PPP2R2B: variants seen among roughly 807,000 people sequenced by gnomAD.
PPP2R2B encodes the protein protein phosphatase 2 regulatory subunit Bbeta, also known as serine/threonine-protein phosphatase 2A 55 kDa regulatory subunit B beta isoform.
PPP2R2B carries 5 observed loss-of-function variants against 46.0 expected under a neutral mutation model. The ratio of observed to expected loss-of-function variants is 0.11; its 90% confidence interval spans 0.06 to 0.23. The LOEUF (loss-of-function observed/expected upper bound fraction) is 0.23, where lower values mean the gene tolerates loss of function less well. PPP2R2B is among the 10% of genes least tolerant of loss of function. The pLI is 1.00. For missense variants in PPP2R2B, 367 were observed against 575.0 expected (o/e 0.64, Z 3.70); for synonymous variants, 215 against 206.7 (o/e 1.04, Z -0.34).
chr5:146,711,233 C>CTT lies in PPP2R2B; in HGVS notation c.71-10093_71-10092dup, dbSNP rs113531608. On this transcript the variant is annotated intron_variant, in intron 2 of 9. Coordinates refer to ENST00000394411, the MANE Select transcript of PPP2R2B (RefSeq NM_181675.4). ...TAGTATATAACAGATGCTTCTCAAT[C>CTT]TTTTTTTTTCTATGCTCACAAGTCA... 7.3e-4 allele frequency among the ~76,000 whole-genome samples: 111 copies of CTT among 151,750 alleles called. 1 individual carries two copies. Among genetic ancestry groups the CTT allele is most frequent in the Middle Eastern group, 6.8e-3 (2 of 294 alleles).
intron 1 of PPP2R2B, among the ~76,000 whole-genome samples, chr5:147,054,964 C>G (rs921740466): frequency 6.6e-6 from 1 of 152,100 alleles, no homozygotes; most frequent in African/African-American, 2.4e-5. Flanking sequence ...AAGGGAATTG[C>G]CAGAATGTTT....
chr5:146,719,803 T>TTTTTTTTTTTTTTTTTTTTTTTTGAG (rs1418579202), intron 2 of PPP2R2B, among the ~76,000 whole-genome samples: 31 of 152,120 alleles, frequency 2.0e-4, no homozygotes, highest in African/African-American at 7.0e-4. Context: ...AATGAGTTTC[T>TTTTTTTTTTTTTTTTTTTTTTTTGAG]ATCATCTAAA....
At chr5:146,692,717 G>C (rs532148837) in intron 4 of PPP2R2B, among the ~76,000 whole-genome samples, 1 of 151,538 alleles carries the variant, frequency 6.6e-6, no homozygotes, top group Admixed American at 6.6e-5. Context: ...TGTATTTCTA[G>C]TAGAGACGGG....
intron 1 of PPP2R2B, among the ~76,000 whole-genome samples, chr5:146,986,482 A>G (rs574661284): frequency 6.6e-6 from 1 of 152,346 alleles, no homozygotes; most frequent in South Asian, 2.1e-4. Context: ...AATTCAAAAT[A>G]GCTATTTTGA....
chr5:147,062,525 GAA>G, intron 2 of PPP2R2B, among the ~76,000 whole-genome samples: 1 of 152,080 alleles, frequency 6.6e-6, no homozygotes. Flanking sequence ...TATAGATGAG[GAA>G]GTTTACACAG....
chr5:146,850,042 G>A (rs975725103), intron 2 of PPP2R2B, among the ~76,000 whole-genome samples: 1 of 152,134 alleles, frequency 6.6e-6, no homozygotes, highest in South Asian at 2.1e-4. Context: ...TGATGCATCA[G>A]CTGGAAGTAT....
At chr5:146,650,389 T>C (rs1053611708) in intron 6 of PPP2R2B, among the ~76,000 whole-genome samples, 158 bp downstream of exon 6, 2 of 152,226 alleles carry the variant, frequency 1.3e-5, no homozygotes, top group African/African-American at 4.8e-5. Flanking sequence ...TTTATTGTTA[T>C]GATTAAAGAG....
At chr5:146,813,682 T>C (rs1200443749) in intron 2 of PPP2R2B, among the ~76,000 whole-genome samples, 1 of 152,220 alleles carries the variant, frequency 6.6e-6, no homozygotes, top group African/African-American at 2.4e-5. Context: ...TTTCCACTGC[T>C]CTGCTCCGCT....
At chr5:146,958,861 T>C (rs1177713261) in intron 1 of PPP2R2B, among the ~76,000 whole-genome samples, 1 of 152,184 alleles carries the variant, frequency 6.6e-6, no homozygotes, top group Non-Finnish European at 1.5e-5. Flanking sequence ...CACAACAAAC[T>C]TATGCAATAG....
intron 1 of PPP2R2B, among the ~76,000 whole-genome samples, chr5:147,033,390 G>A (rs1314071200): frequency 6.6e-6 from 1 of 152,126 alleles, no homozygotes; most frequent in South Asian, 2.1e-4. Flanking sequence ...TCTCCCATTA[G>A]AACATAAGTT....
intron 2 of PPP2R2B, among the ~76,000 whole-genome samples, chr5:146,720,398 T>C (rs1200537097): frequency 2.0e-5 from 3 of 152,190 alleles, no homozygotes; most frequent in African/African-American, 7.2e-5. Flanking sequence ...CTGAATCTTC[T>C]CCAGTTTCAT....
intron 7 of PPP2R2B, among the ~76,000 whole-genome samples, chr5:146,637,177 C>T (rs1291254952): frequency 6.6e-6 from 1 of 152,220 alleles, no homozygotes; most frequent in Non-Finnish European, 1.5e-5. Context: ...TTGTACCCCT[C>T]AGAGTTCTTT....
chr5:147,070,054 G>T (rs1361064748), intron 2 of PPP2R2B, among the ~76,000 whole-genome samples: 3 of 151,948 alleles, frequency 2.0e-5, no homozygotes, highest in Admixed American at 6.6e-5. Flanking sequence ...CTCCCAAAGT[G>T]CTGGGATTAC....
At chr5:146,863,429 T>A (rs1385970309) in intron 2 of PPP2R2B, among the ~76,000 whole-genome samples, 2 of 152,088 alleles carry the variant, frequency 1.3e-5, no homozygotes, top group Non-Finnish European at 2.9e-5. Context: ...TCCCTACAGA[T>A]CTGCGCTACT....
chr5:146,699,742 A>C (rs1329905925), intron 3 of PPP2R2B, among the ~76,000 whole-genome samples: 1 of 148,320 alleles, frequency 6.7e-6, no homozygotes, highest in Non-Finnish European at 1.5e-5. Flanking sequence ...TTAAATGCTG[A>C]CATACTTGGT....
At chr5:146,783,881 C>T (rs1482415701) in intron 2 of PPP2R2B, among the ~76,000 whole-genome samples, 2 of 152,244 alleles carry the variant, frequency 1.3e-5, no homozygotes, top group East Asian at 1.9e-4. Context: ...GCTTCTGCCT[C>T]GGAGAATGAT....
intron 7 of PPP2R2B, among the ~76,000 whole-genome samples, chr5:146,636,182 C>G (rs1396055760): frequency 6.6e-6 from 1 of 152,114 alleles, no homozygotes; most frequent in East Asian, 1.9e-4. Context: ...GCGAAATGCT[C>G]TCAAATTACC....
chr5:146,632,061 GCC>G (rs58956274), intron 7 of PPP2R2B, among the ~76,000 whole-genome samples: 9 of 103,988 alleles, frequency 8.7e-5, no homozygotes, highest in African/African-American at 3.2e-4. Context: ...GCTGAGTTGT[GCC>G]CCCCCCCCCG....
At chr5:146,939,106 G>A (rs1273316283) in intron 1 of PPP2R2B, among the ~76,000 whole-genome samples, 14 of 152,024 alleles carry the variant, frequency 9.2e-5, no homozygotes, top group Non-Finnish European at 1.0e-4. Context: ...TTTTTATGAA[G>A]TAGGCTCCTG....
Sources: allele counts gnomAD v4.1 joint callset (sites outside exome capture counted in the v4.1 genomes callset), GRCh38; gene constraint gnomAD v4.1.1; transcripts MANE v1.5; gene names NCBI Gene and HGNC (gene_info 2026-07-23, HGNC 2026-07-21).